Variants in ARL15 observed in about 807,000 individuals in gnomAD.
ARL15 encodes ADP-ribosylation factor-like protein 15.
Under a neutral mutation model 25.2 loss-of-function variants are expected in ARL15, and 19 were observed. The observed-to-expected ratio is 0.75, with a 90% CI of 0.53 to 1.10. The LOEUF is 1.10. Ranked by LOEUF, ARL15 falls within the 50% of genes least tolerant of loss-of-function variation. The pLI is 0.00. For synonymous variants in ARL15, 94 were observed against 86.8 expected, an observed-to-expected ratio of 1.08 and a Z score of -0.46; for missense variants, 220 against 246.0, an observed-to-expected ratio of 0.89 and a Z score of 0.71.
chr5:54,086,835 C>A (rs1387324638), intron 4 of ARL15, among the ~76,000 whole-genome samples: 1 of 152,118 alleles, frequency 6.6e-6, no homozygotes, highest in African/African-American at 2.4e-5. Flanking sequence ...AATCAAGTTC[C>A]TCTAGGCGGT....
At chr5:54,023,232 T>C (rs183372859) in intron 4 of ARL15, among the ~76,000 whole-genome samples, 8 of 152,162 alleles carry the variant, frequency 5.3e-5, no homozygotes, top group African/African-American at 1.9e-4. Flanking sequence ...TTGACACAAA[T>C]AGGCTGTTAA....
At chr5:54,164,529 A>G (rs1754511448) in intron 2 of ARL15, among the ~76,000 whole-genome samples, 1 of 152,016 alleles carries the variant, frequency 6.6e-6, no homozygotes, top group South Asian at 2.1e-4. Flanking sequence ...TTTGTTTCAT[A>G]TATTTTTAAG....
chr5:54,220,694 T>C (rs2112529930), intron 1 of ARL15, among the ~76,000 whole-genome samples: 1 of 152,346 alleles, frequency 6.6e-6, no homozygotes, highest in East Asian at 1.9e-4. Context: ...GTTTGTTTAC[T>C]AGTGAAATTA....
intron 1 of ARL15, among the ~76,000 whole-genome samples, chr5:54,301,131 G>T (rs1338756133): frequency 1.3e-5 from 2 of 152,170 alleles, no homozygotes; most frequent in African/African-American, 4.8e-5. Flanking sequence ...CCTTTCATGT[G>T]CTACTCTAGC....
chr5:53,887,364 C>A, intron 4 of ARL15: 1 of 691,300 alleles, frequency 1.4e-6, no homozygotes, highest in Non-Finnish European at 2.6e-6. Flanking sequence ...CTTTTTTTTT[C>A]TTTTTCAGTC....
chr5:53,972,884 G>A (rs147242648), intron 4 of ARL15, among the ~76,000 whole-genome samples: 4,488 of 152,200 alleles, frequency 0.029, 88 homozygotes, highest in Non-Finnish European at 0.048. Context: ...GTTACGTACT[G>A]GAAGTGATTT....
rs538492525 is a variant in ARL15 at position 54,082,088 on chromosome 5, G to A, written c.462+31114C>T. On this transcript the variant is annotated intron_variant, in intron 4 of 4. Coordinates refer to ENST00000504924, the MANE Select transcript of ARL15 (RefSeq NM_019087.3). Reference sequence around the variant, plus strand: ...CCTGGGTAACAAAAAAAAAAGAAAGGAAGGAAGGAAAGAAGGAAAGGAGGG... The same window carrying A: ...CCTGGGTAACAAAAAAAAAAGAAAGAAAGGAAGGAAAGAAGGAAAGGAGGG... 2.2e-5 allele frequency among the ~76,000 whole-genome samples: 3 copies of A among 133,934 alleles called. No homozygotes were observed. In the East Asian group the frequency reaches 6.8e-4, roughly 30 times the overall value. The allele number at this position is 133,934 out of a possible 152,430, so 87.9% of individuals were successfully genotyped here.
intron 1 of ARL15, among the ~76,000 whole-genome samples, chr5:54,193,144 T>C (rs1180097651): frequency 6.6e-6 from 1 of 152,136 alleles, no homozygotes; most frequent in Non-Finnish European, 1.5e-5. Flanking sequence ...CTCAAACTAA[T>C]AAAAATCCAA....
intron 2 of ARL15, among the ~76,000 whole-genome samples, chr5:54,158,367 AT>A (rs1162446973): frequency 1.3e-5 from 2 of 152,102 alleles, no homozygotes; most frequent in East Asian, 3.9e-4. Context: ...CTCCTAGGTG[AT>A]TTTCACAATT....
At chr5:54,016,294 C>G (rs562507467) in intron 4 of ARL15, among the ~76,000 whole-genome samples, 1 of 152,100 alleles carries the variant, frequency 6.6e-6, no homozygotes, top group Non-Finnish European at 1.5e-5. Flanking sequence ...GTAATCTTCA[C>G]GAAATCCCTG....
At chr5:54,074,482 A>G (rs117902738) in intron 4 of ARL15, among the ~76,000 whole-genome samples, 9 of 152,254 alleles carry the variant, frequency 5.9e-5, no homozygotes, top group African/African-American at 2.2e-4. Flanking sequence ...AGAAGAATAA[A>G]GAAGATAAGA....
chr5:54,309,435 G>A (rs1758840132), intron 1 of ARL15, among the ~76,000 whole-genome samples: 1 of 152,224 alleles, frequency 6.6e-6, no homozygotes, highest in Non-Finnish European at 1.5e-5. Flanking sequence ...TTCCTAGAAG[G>A]CACTGGCAAA....
intron 1 of ARL15, among the ~76,000 whole-genome samples, chr5:54,182,768 T>C (rs1387058389): frequency 6.6e-6 from 1 of 152,182 alleles, no homozygotes; most frequent in Non-Finnish European, 1.5e-5. Context: ...ATATTGATTC[T>C]TCCTACCCAT....
intron 4 of ARL15, among the ~76,000 whole-genome samples, chr5:53,934,435 A>G (rs374430403): frequency 1.6e-4 from 1 of 6,086 alleles, no homozygotes; most frequent in South Asian, 5.3e-3. Context: ...TAAATTGAGA[A>G]AAAAAAAAAT....
chr5:54,308,291 C>T (rs1483328189), intron 1 of ARL15, among the ~76,000 whole-genome samples: 1 of 152,210 alleles, frequency 6.6e-6, no homozygotes, highest in African/African-American at 2.4e-5. Flanking sequence ...AAAAACTAAA[C>T]TGTTTCCTTT....
rs563537895 is a variant in ARL15 at position 53,983,945 on chromosome 5, A to G, written c.463-97232T>C. On this transcript the variant is annotated intron_variant, in intron 4 of 4. Transcript: ENST00000504924. ...CCGCACTCCCGCAGTCGTCTCCCCA[A>G]GCTTCCATTTATGCTCTCTTTATCC... is the stretch of plus-strand genomic sequence containing the variant. Among the ~76,000 whole-genome samples the G allele has an allele frequency of 7.7e-4, 117 of 152,206 alleles. 1 individual carries two copies. The highest frequency in any genetic ancestry group is 2.5e-3 in the African/African-American group (105 of 41,526).
chr5:54,203,018 T>C (rs1755764813), intron 1 of ARL15, among the ~76,000 whole-genome samples: 1 of 152,182 alleles, frequency 6.6e-6, no homozygotes, highest in Non-Finnish European at 1.5e-5. Flanking sequence ...ATGCCATGAT[T>C]TCAGGGGGTT....
chr5:53,901,636 C>T (rs985782194), intron 4 of ARL15, among the ~76,000 whole-genome samples: 8 of 138,734 alleles, frequency 5.8e-5, no homozygotes, highest in African/African-American at 2.1e-4. Context: ...AAACTTAATA[C>T]CCATTAAGTG....
In ARL15 at chr5:54,197,744, T is replaced by C. The variant is rs201772943; in HGVS notation, c.49-25816A>G. Among the ~76,000 whole-genome samples, 21 of 152,258 alleles carry C rather than the reference T, an allele frequency of 1.4e-4. No homozygotes were observed. In the East Asian group the frequency reaches 4.1e-3, roughly 29 times the overall value. Reference sequence around the variant, plus strand: ...AAGGAGGAGCTGGTACCATTCCTTCTGAAACTATTCCAATCAATAGAAAAA... The same window carrying C: ...AAGGAGGAGCTGGTACCATTCCTTCCGAAACTATTCCAATCAATAGAAAAA... On this transcript the variant is annotated intron_variant, in intron 1 of 4. Coordinates refer to ENST00000504924, the MANE Select transcript of ARL15 (RefSeq NM_019087.3).
Sources: gnomAD v4.1 joint callset for allele counts (sites outside exome capture counted in the v4.1 genomes callset) on GRCh38, gnomAD v4.1.1 for gene constraint, MANE v1.5 for transcripts, NCBI Gene and HGNC (gene_info 2026-07-23, HGNC 2026-07-21) for gene names.